APAF1: variants seen among roughly 807,000 people sequenced by gnomAD.
APAF1 encodes the protein apoptotic protease-activating factor 1.
APAF1 carries 91 observed loss-of-function variants against 152.4 expected under a neutral mutation model. That is an observed-to-expected ratio of 0.60 (90% CI 0.50 to 0.71). The LOEUF (loss-of-function observed/expected upper bound fraction) is 0.71. Among genes scored for constraint, APAF1 ranks in the 30% least tolerant of loss-of-function variants. The pLI is 0.00. For synonymous variants in APAF1, 484 were observed against 494.1 expected, an observed-to-expected ratio of 0.98 and a Z score of 0.27; for missense variants, 1,283 against 1,472.0, an observed-to-expected ratio of 0.87 and a Z score of 2.10.
chr12:98,699,392 T>C lies in APAF1; in HGVS notation c.2305-16T>C, dbSNP rs752466423. On this transcript the variant is annotated splice_polypyrimidine_tract_variant and intron_variant, in intron 16 of 26. Coordinates refer to ENST00000551964, the MANE Select transcript of APAF1 (RefSeq NM_181861.2). ...AGTAAAACAAACTTTTTCTTTTTTA[T>C]TACTTTAATTCAAAGCTTTGGGATG... is the stretch of plus-strand genomic sequence containing the variant. 1.2e-6 allele frequency: 2 copies of C among 1,612,556 alleles called. No individual in the cohort carries two copies. Among genetic ancestry groups the C allele is most frequent in the Non-Finnish European group, 1.7e-6 (2 of 1,179,214 alleles).
intron 7 of APAF1, among the ~76,000 whole-genome samples, chr12:98,663,878 C>T (rs924450429): frequency 2.6e-5 from 4 of 152,022 alleles, no homozygotes; most frequent in Non-Finnish European, 5.9e-5. Context: ...AGGCTGGTCT[C>T]GAACTCCTGA....
intron 16 of APAF1, among the ~76,000 whole-genome samples, chr12:98,699,151 C>CA (rs1380827164): frequency 6.6e-6 from 1 of 152,196 alleles, no homozygotes; most frequent in Admixed American, 6.5e-5. Context: ...TTAGCTTCCA[C>CA]ACCATGCAAG....
chr12:98,684,136 C>T (rs2097695379), intron 15 of APAF1, among the ~76,000 whole-genome samples: 1 of 152,122 alleles, frequency 6.6e-6, no homozygotes, highest in Non-Finnish European at 1.5e-5. Context: ...GTTTGGAAAA[C>T]TTCATAGACT....
rs543215771 is a variant in APAF1, at chr12:98,724,011, T to C, written c.3330+247T>C. Reference sequence around the variant, plus strand: ...ATAACTAATCAAATGCAACCTCTACTGCATATTGTAGGCAATAAAAATCAT... The same window carrying C: ...ATAACTAATCAAATGCAACCTCTACCGCATATTGTAGGCAATAAAAATCAT... On this transcript the variant is annotated intron_variant, in intron 24 of 26. Coordinates refer to ENST00000551964, the MANE Select transcript of APAF1 (RefSeq NM_181861.2). Among the ~76,000 whole-genome samples, 9 of 152,352 alleles carry C rather than the reference T, an allele frequency of 5.9e-5. No homozygotes were observed. In the East Asian group the frequency reaches 1.7e-3, roughly 29 times the overall value.
chr12:98,724,847 A>G (rs1371470422), intron 24 of APAF1, among the ~76,000 whole-genome samples: 1 of 152,096 alleles, frequency 6.6e-6, no homozygotes, highest in Non-Finnish European at 1.5e-5. Flanking sequence ...AGTTTTCAGT[A>G]TGTGGTTGCT....
At chr12:98,665,871 G>A in intron 8 of APAF1, 80 bp downstream of exon 8, 1 of 1,267,816 alleles carries the variant, frequency 7.9e-7, no homozygotes, top group Admixed American at 1.7e-5. Flanking sequence ...TTGTTACAGA[G>A]AACCTTGGAA....
intron 16 of APAF1, among the ~76,000 whole-genome samples, chr12:98,695,689 A>G (rs980436260): frequency 2.6e-5 from 4 of 152,254 alleles, no homozygotes; most frequent in Non-Finnish European, 5.9e-5. Context: ...ATAGCCTTGT[A>G]TTCTGCCAGA....
intron 22 of APAF1, among the ~76,000 whole-genome samples, chr12:98,716,847 T>TAAAG (rs2097735295): frequency 6.6e-6 from 1 of 152,150 alleles, no homozygotes; most frequent in Non-Finnish European, 1.5e-5. Flanking sequence ...TTCATCTTTC[T>TAAAG]ATAGTGTGCT....
chr12:98,712,768 C>A (rs2097729434), intron 21 of APAF1: 1 of 276,994 alleles, frequency 3.6e-6, no homozygotes, highest in Non-Finnish European at 7.0e-6. Flanking sequence ...CCGGCCTCAG[C>A]CTCCCAAAGT....
rs2097674638 is a variant in APAF1, at chr12:98,667,575, A to G, written c.1425A>G (p.Pro475=). 2.5e-6 allele frequency: 4 copies of G among 1,614,066 alleles called. No individual in the cohort carries two copies. Among genetic ancestry groups the G allele is most frequent in the Non-Finnish European group, 2.5e-6 (3 of 1,179,974 alleles). The change falls in exon 10 of 27, where the codon CCA becomes CCG. Residue 475 remains proline, a synonymous_variant. Transcript: ENST00000551964. ...QRYHQPHTLS[P]DQEDCMYWYN... ...ATCACCAGCCGCATACTCTTTCACC[A>G]GATCAGGAAGACTGTATGTATTGGT...
Position 98,723,206 on chromosome 12 carries a change from A to C in APAF1, c.3098A>C (p.Gln1033Pro). ...TTTGATATTCAGGTATGGAATTGGC[A>C]ATTGGACAAATGTATCTTTCTACGA... ...DDAEIQVWNW[Q>P]LDKCIFLRGH... Residue 1033 changes from glutamine to proline, a missense_variant, in exon 23 of 27, where the codon CAA becomes CCA. Transcript: ENST00000551964. 1 of 1,613,526 alleles carries C rather than the reference A, an allele frequency of 6.2e-7. No individual in the cohort carries two copies. The highest frequency in any genetic ancestry group is 8.5e-7 in the Non-Finnish European group (1 of 1,179,562).
chr12:98,712,344 T>C lies in APAF1; in HGVS notation c.2867T>C (p.Ile956Thr). 6.2e-7 allele frequency: 1 copy of C among 1,612,240 alleles called. No homozygotes were observed. Among genetic ancestry groups the C allele is most frequent in the Non-Finnish European group, 8.5e-7 (1 of 1,178,374 alleles). The stretch of plus-strand genomic sequence containing the variant: ...CTCATTAATGGAAGAACAGGTCAGA[T>C]TGATTATCTGACTGAAGCTCAAGTT... ...LQLINGRTGQIDYLTEAQVSC... is the reference protein window; with the variant it reads ...LQLINGRTGQTDYLTEAQVSC... Residue 956 changes from isoleucine to threonine, a missense_variant, in exon 21 of 27, where the codon ATT (isoleucine) becomes ACT (threonine). Ile to Thr is a moderately conservative substitution (Grantham distance 89). Transcript: ENST00000551964.
At chr12:98,692,133 A>G (rs1163186242) in intron 16 of APAF1, among the ~76,000 whole-genome samples, 2 of 152,072 alleles carry the variant, frequency 1.3e-5, no homozygotes, top group Non-Finnish European at 2.9e-5. Context: ...CTGAGGCTGG[A>G]GTGCAGTGGC....
intron 26 of APAF1, among the ~76,000 whole-genome samples, chr12:98,730,751 G>C (rs1197044466): frequency 2.0e-5 from 3 of 152,160 alleles, no homozygotes; most frequent in African/African-American, 7.2e-5. Context: ...AGCTGCTGTA[G>C]TGTCCAAGAA....
intron 4 of APAF1, among the ~76,000 whole-genome samples, chr12:98,652,845 C>T (rs974320092): frequency 1.1e-4 from 16 of 151,990 alleles, no homozygotes; most frequent in South Asian, 2.1e-4. Context: ...AGGCTGGTCT[C>T]GAACTCCCGA....
chr12:98,684,722 G>T lies in APAF1; in HGVS notation c.2178+1448G>T, dbSNP rs527444688. On this transcript the variant is annotated intron_variant, in intron 15 of 26. Transcript: ENST00000551964. ...TACTCAAAAAAACTTGGCCCTATTT[G>T]AATAAATGTACCACTAAAAAAAAAT... Among the ~76,000 whole-genome samples, 29 of 151,944 alleles carry T rather than the reference G, an allele frequency of 1.9e-4. No individual in the cohort carries two copies. The East Asian group carries it at 5.0e-3, about 26-fold the overall frequency.
At chr12:98,683,984 T>G (rs1475832421) in intron 15 of APAF1, among the ~76,000 whole-genome samples, 1 of 152,204 alleles carries the variant, frequency 6.6e-6, no homozygotes. Flanking sequence ...ATAGCTAGAT[T>G]ACCTTTTCTG....
chr12:98,660,481 A>AATTAATTCAGCAAATACTTACC (rs2097663670), intron 5 of APAF1, among the ~76,000 whole-genome samples: 1 of 152,198 alleles, frequency 6.6e-6, no homozygotes, highest in South Asian at 2.1e-4. Context: ...TTCAACAGTT[A>AATTAATTCAGCAAATACTTACC]ATTAATTCAG....
intron 21 of APAF1, among the ~76,000 whole-genome samples, chr12:98,714,089 G>T (rs1175158606): frequency 3.3e-5 from 5 of 152,092 alleles, no homozygotes; most frequent in Non-Finnish European, 7.4e-5. Flanking sequence ...TCCATCTCAG[G>T]CTCATCTCTC....
Sources: gnomAD v4.1 joint callset for allele counts (sites outside exome capture counted in the v4.1 genomes callset) on GRCh38, gnomAD v4.1.1 for gene constraint, MANE v1.5 for transcripts, NCBI Gene and HGNC (gene_info 2026-07-23, HGNC 2026-07-21) for gene names.